The following ZCCHC2 variants were observed in gnomAD, a reference collection of about 807,000 sequenced individuals.
The protein encoded by ZCCHC2 is zinc finger CCHC-type containing 2.
A neutral mutation model predicts 103.6 loss-of-function variants in ZCCHC2; 39 were observed. The observed-to-expected ratio is 0.38, with a 90% CI of 0.29 to 0.49. The LOEUF (loss-of-function observed/expected upper bound fraction) is 0.49, where lower values mean the gene tolerates loss of function less well. Ranked by LOEUF, ZCCHC2 falls within the 20% of genes least tolerant of loss-of-function variation. The pLI is 0.96. For missense variants in ZCCHC2, 1,483 were observed against 1,491.0 expected (o/e 0.99, Z 0.09); for synonymous variants, 687 against 608.9 (o/e 1.13, Z -1.89).
Position 62,576,770 on chromosome 18 carries a change from C to T in ZCCHC2, c.*191C>T. On this transcript the variant is annotated 3_prime_UTR_variant, in exon 14 of 14. Transcript: ENST00000269499. Reference sequence around the variant, plus strand: ...GCAATGCTTTTGAGCCTCTGGTCTCCTGGTTCAACAACAGGCTTATATGTA... The same window carrying T: ...GCAATGCTTTTGAGCCTCTGGTCTCTTGGTTCAACAACAGGCTTATATGTA... 1.8e-6 allele frequency: 1 copy of T among 554,700 alleles called. No individual in the cohort carries two copies. Among genetic ancestry groups the T allele is most frequent in the Non-Finnish European group, 3.2e-6 (1 of 312,654 alleles). The allele number at this position is 554,700 out of a possible 1,614,324, so 34.4% of individuals were successfully genotyped here.
chr18:62,563,112 C>T lies in ZCCHC2; in HGVS notation c.1654C>T (p.His552Tyr). Residue 552 changes from histidine to tyrosine, a missense_variant, in exon 9 of 14, where the codon CAC becomes TAC. His to Tyr is a moderately conservative substitution (Grantham distance 83, BLOSUM62 2). This residue lies in a region of ZCCHC2 where 884 missense variants were observed against 907.5 expected (regional missense o/e 0.97). Coordinates refer to ENST00000269499, the MANE Select transcript of ZCCHC2 (RefSeq NM_017742.6). ...WRKQSCTTIQHPEHCVTSADQ... is the reference protein window; with the variant it reads ...WRKQSCTTIQYPEHCVTSADQ... The stretch of plus-strand genomic sequence containing the variant: ...GAAGCAAAGCTGTACCACCATTCAA[C>T]ACCCAGAGCACTGTGTGACCTCGGC... The T allele has an allele frequency of 6.2e-7, 1 of 1,613,822 alleles. No individual in the cohort carries two copies. The highest frequency in any genetic ancestry group is 1.1e-5 in the South Asian group (1 of 91,070).
At position 62,523,913 on chromosome 18, in the gene ZCCHC2, CT is replaced by C; in HGVS notation, c.491del (p.Phe164SerfsTer117). 1 of 1,535,536 alleles carries C rather than the reference CT, an allele frequency of 6.5e-7. No individual in the cohort carries two copies. Among genetic ancestry groups the C allele is most frequent in the Non-Finnish European group, 8.7e-7 (1 of 1,143,898 alleles). ...GLSDPGPLAD[F>X]REPAVRSRLI... Reference sequence around the variant, plus strand: ...TCTCGGACCCGGGGCCGCTGGCCGACTTCCGAGAGCCCGCGGTGCGCTCGCG... The same window carrying C: ...TCTCGGACCCGGGGCCGCTGGCCGACTCCGAGAGCCCGCGGTGCGCTCGCG... On this transcript the variant is annotated frameshift_variant, in exon 1 of 14. Coordinates refer to ENST00000269499, the MANE Select transcript of ZCCHC2 (RefSeq NM_017742.6). LOFTEE classifies it high-confidence loss of function.
chr18:62,543,668 C>T (rs971432025), intron 3 of ZCCHC2, among the ~76,000 whole-genome samples: 13 of 152,198 alleles, frequency 8.5e-5, no homozygotes, highest in African/African-American at 2.4e-4. Context: ...CTAAAGCTCC[C>T]TCCTCCGAGA....
chr18:62,568,910 G>A (rs936357829), intron 11 of ZCCHC2, among the ~76,000 whole-genome samples: 10 of 152,236 alleles, frequency 6.6e-5, no homozygotes, highest in Non-Finnish European at 1.3e-4. Flanking sequence ...CATTGGTGGT[G>A]TTGACTTGCA....
downstream of ZCCHC2, among the ~76,000 whole-genome samples, chr18:62,580,582 C>A (rs1436974440): frequency 6.9e-5 from 5 of 72,730 alleles, no homozygotes; most frequent in Admixed American, 1.4e-4. Context: ...GCCAGGTGGA[C>A]CCCTCCCGAG....
At chr18:62,575,623 G>T in intron 13 of ZCCHC2, 73 bp downstream of exon 13, 1 of 1,497,162 alleles carries the variant, frequency 6.7e-7, no homozygotes, top group South Asian at 1.3e-5. Context: ...ATTGATCATG[G>T]GATTCTGTTG....
chr18:62,538,910 G>A (rs1915052010), intron 1 of ZCCHC2, among the ~76,000 whole-genome samples: 1 of 152,164 alleles, frequency 6.6e-6, no homozygotes, highest in African/African-American at 2.4e-5. Flanking sequence ...ATTTTGATAT[G>A]AGTAGTGTTT....
At position 62,574,613 on chromosome 18, in the gene ZCCHC2, A is replaced by T. The variant is rs978874750; in HGVS notation, c.2532A>T (p.Pro844=). The part of the protein sequence containing the change: ...QPPGSLSIAS[P]NTAFIPIHNP... ...CCGGAAGCCTGAGCATCGCATCACC[A>T]AACACTGCCTTTATTCCTATCCATA... is the stretch of plus-strand genomic sequence containing the variant. Residue 844 remains proline (P), a synonymous_variant, in exon 13 of 14, where the codon CCA becomes CCT. Transcript: ENST00000269499. The T allele has an allele frequency of 6.2e-7, 1 of 1,613,932 alleles. No individual in the cohort carries two copies. Among genetic ancestry groups the T allele is most frequent in the Non-Finnish European group, 8.5e-7 (1 of 1,179,886 alleles).
Position 62,575,280 on chromosome 18 carries a change from A to G in ZCCHC2, c.3199A>G (p.Asn1067Asp). 1 of 1,614,032 alleles carries G rather than the reference A, an allele frequency of 6.2e-7. No homozygotes were observed. The highest frequency in any genetic ancestry group is 8.5e-7 in the Non-Finnish European group (1 of 1,179,882). The change falls in exon 13 of 14, where the codon AAT (asparagine) becomes GAT (aspartate). Residue 1067 changes from asparagine (N) to aspartate (D), a missense_variant. Coordinates refer to ENST00000269499, the MANE Select transcript of ZCCHC2 (RefSeq NM_017742.6). ...CTACCTCAACCAAGCACATCAGAGC[A>G]ATGGAAACCAACTTCCTTTTTTTCT... ...GSYLNQAHQSNGNQLPFFLPQ... is the reference protein window; with the variant it reads ...GSYLNQAHQSDGNQLPFFLPQ...
chr18:62,561,677 T>C (rs1321159504), intron 8 of ZCCHC2, among the ~76,000 whole-genome samples: 2 of 152,264 alleles, frequency 1.3e-5, no homozygotes, highest in African/African-American at 2.4e-5. Flanking sequence ...AACTCTGTTA[T>C]GCTGGACTCT....
chr18:62,535,439 A>G (rs2145491221), intron 1 of ZCCHC2, among the ~76,000 whole-genome samples: 1 of 152,344 alleles, frequency 6.6e-6, no homozygotes, highest in Non-Finnish European at 1.5e-5. Flanking sequence ...TAGTGGTGTA[A>G]AACAATGACC....
intron 1 of ZCCHC2, among the ~76,000 whole-genome samples, chr18:62,534,204 A>G (rs150869297): frequency 1.3e-5 from 2 of 152,016 alleles, no homozygotes. Flanking sequence ...CTAGCTACTC[A>G]AGAGACGGAG....
Position 62,543,477 on chromosome 18 carries a change from A to C in ZCCHC2, c.1128+903A>C, listed in dbSNP as rs79019565. 8.8e-3 allele frequency among the ~76,000 whole-genome samples: 1,347 copies of C among 152,268 alleles called. 21 individuals carry two copies. The highest frequency in any genetic ancestry group is 0.031 in the African/African-American group (1,289 of 41,540). The stretch of plus-strand genomic sequence containing the variant: ...AAAGATCCTCAGTTTGCAGAATTTC[A>C]GCCCTCATCTCCTGGTGTCTTACTG... On this transcript the variant is annotated intron_variant, in intron 3 of 13. Coordinates refer to ENST00000269499, the MANE Select transcript of ZCCHC2 (RefSeq NM_017742.6).
At chr18:62,529,738 C>T (rs992543276) in intron 1 of ZCCHC2, among the ~76,000 whole-genome samples, 7 of 152,028 alleles carry the variant, frequency 4.6e-5, no homozygotes, top group African/African-American at 1.7e-4. Flanking sequence ...TGGTGGGAGG[C>T]GGGAGCGGGT....
chr18:62,524,408 C>G, intron 1 of ZCCHC2, 45 bp downstream of exon 1: 1 of 1,429,946 alleles, frequency 7.0e-7, no homozygotes, highest in Non-Finnish European at 9.1e-7. Flanking sequence ...CGATCGCTGC[C>G]CCGGCGGCCT....
chr18:62,529,582 G>A (rs1462157852), intron 1 of ZCCHC2, among the ~76,000 whole-genome samples: 2 of 152,118 alleles, frequency 1.3e-5, no homozygotes, highest in Non-Finnish European at 2.9e-5. Context: ...AAAGCCATTT[G>A]GAAGAGACTT....
chr18:62,562,867 T>C, intron 8 of ZCCHC2, 142 bp from the exon 9 acceptor site: 1 of 858,886 alleles, frequency 1.2e-6, no homozygotes, highest in Non-Finnish European at 1.8e-6. Flanking sequence ...CATAGTATAC[T>C]TTTTTTTCTT....
Position 62,523,870 on chromosome 18 carries a change from A to T in ZCCHC2, c.446A>T (p.Glu149Val). The change falls in exon 1 of 14, where the codon GAG becomes GTG. Residue 149 changes from glutamate to valine, a missense_variant. Glu to Val is a moderately radical substitution (Grantham distance 121, BLOSUM62 -2). Transcript: ENST00000269499. ...RKDYHYLRDS[E>V]AKANGLSDPG... ...GACTACCACTACCTGCGCGACTCGG[A>T]GGCCAAGGCCAACGGCCTCTCGGAC... The T allele has an allele frequency of 1.9e-6, 3 of 1,543,492 alleles. No homozygotes were observed. Among genetic ancestry groups the T allele is most frequent in the Non-Finnish European group, 2.6e-6 (3 of 1,146,020 alleles).
At chr18:62,544,951 C>G in intron 4 of ZCCHC2, 78 bp downstream of exon 4, 8 of 1,174,572 alleles carry the variant, frequency 6.8e-6, no homozygotes, top group Non-Finnish European at 8.2e-6. Flanking sequence ...AAAAAAACAC[C>G]AGGAAAATTA....
Sources: gnomAD v4.1 joint callset for allele counts (sites outside exome capture counted in the v4.1 genomes callset) on GRCh38, gnomAD v4.1.1 for gene constraint, gnomAD v4.1.1 regional missense constraint, MANE v1.5 for transcripts, NCBI Gene and HGNC (gene_info 2026-07-23, HGNC 2026-07-21) for gene names.